Variants in CFAP221 observed in about 807,000 individuals in gnomAD.
The protein encoded by CFAP221 is cilia and flagella associated protein 221, also known as cilia- and flagella-associated protein 221.
Under a neutral mutation model 113.1 loss-of-function variants are expected in CFAP221, and 97 were observed. The observed-to-expected ratio is 0.86, with a 90% confidence interval of 0.73 to 1.02. The LOEUF (loss-of-function observed/expected upper bound fraction) is 1.02. Ranked by LOEUF, CFAP221 falls within the 50% of genes least tolerant of loss-of-function variation. The pLI is 0.00. For missense variants in CFAP221, 1,025 were observed against 1,013.4 expected (o/e 1.01, Z -0.16); for synonymous variants, 331 against 354.4 (o/e 0.93, Z 0.74).
intron 6 of CFAP221, among the ~76,000 whole-genome samples, chr2:119,564,100 A>C (rs894853842): frequency 6.6e-6 from 1 of 152,230 alleles, no homozygotes; most frequent in Admixed American, 6.5e-5. Flanking sequence ...AGCACTGAGC[A>C]GGGGACTGTA....
At chr2:119,625,722 G>A (rs1307747955) in intron 15 of CFAP221, 34 bp downstream of exon 15, 7 of 1,527,844 alleles carry the variant, frequency 4.6e-6, no homozygotes, top group Non-Finnish European at 6.3e-6. Context: ...GAGATGCCGA[G>A]ACTGATCATG....
chr2:119,610,334 C>T (rs981535406), intron 12 of CFAP221, among the ~76,000 whole-genome samples: 1 of 152,042 alleles, frequency 6.6e-6, no homozygotes, highest in Non-Finnish European at 1.5e-5. Flanking sequence ...GACCCAGTGG[C>T]ACGGAACTCC....
chr2:119,550,277 G>GT, intron 3 of CFAP221, among the ~76,000 whole-genome samples: 1 of 152,278 alleles, frequency 6.6e-6, no homozygotes, highest in South Asian at 2.1e-4. Context: ...ACGTTCGATT[G>GT]TTTAGAGTGA....
intron 7 of CFAP221, among the ~76,000 whole-genome samples, chr2:119,591,883 A>G (rs1014726434): frequency 6.6e-6 from 1 of 152,184 alleles, no homozygotes; most frequent in Non-Finnish European, 1.5e-5. Context: ...GTGCCAGAAA[A>G]CAGGCAACAG....
intron 15 of CFAP221, 190 bp downstream of exon 15, chr2:119,625,878 C>T: frequency 1.7e-6 from 1 of 576,774 alleles, no homozygotes; most frequent in Non-Finnish European, 3.1e-6. Flanking sequence ...CTAGGTTAGT[C>T]ATCATTTATA....
At chr2:119,546,308 A>G (rs1680047612) in intron 2 of CFAP221, 38 bp downstream of exon 2, 4 of 1,525,214 alleles carry the variant, frequency 2.6e-6, no homozygotes, top group South Asian at 1.2e-5. Context: ...TACAGCTCAC[A>G]TCTTCCCAGG....
intron 14 of CFAP221, among the ~76,000 whole-genome samples, chr2:119,617,636 T>G (rs569350618): frequency 6.5e-4 from 99 of 152,254 alleles, no homozygotes; most frequent in African/African-American, 1.9e-3. Context: ...GCCAGCCAAT[T>G]CTTTGCCTAA....
At chr2:119,605,627 C>T (rs1181352773) in intron 11 of CFAP221, among the ~76,000 whole-genome samples, 1 of 152,184 alleles carries the variant, frequency 6.6e-6, no homozygotes, top group Non-Finnish European at 1.5e-5. Flanking sequence ...CACCAGGAGC[C>T]CCTGTGCCTT....
chr2:119,557,264 G>T (rs1680874321), intron 3 of CFAP221: 1 of 152,232 alleles, frequency 6.6e-6, no homozygotes, highest in African/African-American at 2.4e-5. Flanking sequence ...GCTACAGGTG[G>T]TCGGCTGCAG....
rs1684355279 is a variant in CFAP221 at position 119,601,358 on chromosome 2, T to C, written c.772T>C (p.Tyr258His). Reference sequence around the variant, plus strand: ...CGAATGTGTCTTCACCGGAACATGCTATCCCAACATGGCCTTACCGTATGG... The same window carrying C: ...CGAATGTGTCTTCACCGGAACATGCCATCCCAACATGGCCTTACCGTATGG... ...PYECVFTGTC[Y>H]PNMALPLEEF... The change falls in exon 8 of 24, where the codon TAT becomes CAT. Residue 258 changes from tyrosine (Y) to histidine (H), a missense_variant. Physicochemically the swap from Tyr to His is moderately conservative, Grantham distance 83 (BLOSUM62 2). Coordinates refer to ENST00000413369, the MANE Select transcript of CFAP221 (RefSeq NM_001271049.2). 2 of 1,531,840 alleles carry C rather than the reference T, an allele frequency of 1.3e-6. No individual in the cohort carries two copies. Among genetic ancestry groups the C allele is most frequent in the East Asian group, 4.9e-5 (2 of 40,838 alleles). 94.9% of individuals were successfully genotyped at this position (1,531,840 alleles called of 1,614,324 possible).
intron 19 of CFAP221, among the ~76,000 whole-genome samples, chr2:119,633,543 GAATA>G (rs539771276): frequency 5.9e-5 from 9 of 151,434 alleles, no homozygotes; most frequent in Non-Finnish European, 1.0e-4. Context: ...GTGACCTACA[GAATA>G]AATAAATATA....
At chr2:119,576,160 A>G (rs1168257873) in intron 6 of CFAP221, among the ~76,000 whole-genome samples, 1 of 152,200 alleles carries the variant, frequency 6.6e-6, no homozygotes, top group Non-Finnish European at 1.5e-5. Flanking sequence ...ACCTTAAACT[A>G]AAGTTTTATT....
chr2:119,551,071 C>T (rs971445511), intron 3 of CFAP221, among the ~76,000 whole-genome samples: 1 of 152,234 alleles, frequency 6.6e-6, no homozygotes, highest in Non-Finnish European at 1.5e-5. Flanking sequence ...CAAGTCATAG[C>T]ATGTAGCAGT....
chr2:119,602,089 G>A (rs533163826), intron 8 of CFAP221, among the ~76,000 whole-genome samples: 16 of 152,102 alleles, frequency 1.1e-4, no homozygotes, highest in South Asian at 2.1e-4. Flanking sequence ...TTATATAAAC[G>A]TTAAAAGTTG....
At chr2:119,601,414 C>T in intron 8 of CFAP221, 37 bp downstream of exon 8, 1 of 1,455,376 alleles carries the variant, frequency 6.9e-7, no homozygotes. Context: ...TTATTTTTAA[C>T]CCTTTTTTGA....
At chr2:119,545,955 G>A (rs1381647145) in intron 1 of CFAP221, 130 bp from the exon 2 acceptor site, 19 of 618,606 alleles carry the variant, frequency 3.1e-5, no homozygotes, top group African/African-American at 1.3e-4. Context: ...GGAGTGGCCC[G>A]CAGAGAGGAG....
chr2:119,638,300 C>T lies in CFAP221; in HGVS notation c.2016C>T (p.Thr672=), dbSNP rs754474469. 3.1e-6 allele frequency: 5 copies of T among 1,613,986 alleles called. No homozygotes were observed. The African/African-American group carries it at 6.7e-5, about 22-fold the overall frequency. Residue 672 remains threonine, a synonymous_variant, in exon 20 of 24, where the codon ACC becomes ACT. Coordinates refer to ENST00000413369, the MANE Select transcript of CFAP221 (RefSeq NM_001271049.2). ...PGLFAVMHPL[T]YAETLIDYHL... ...TATTTGCTGTAATGCATCCTCTGAC[C>T]TATGCAGAAACGTTGATAGATTACC...
intron 22 of CFAP221, among the ~76,000 whole-genome samples, chr2:119,649,413 A>C (rs1433733358): frequency 6.6e-6 from 1 of 152,232 alleles, no homozygotes; most frequent in African/African-American, 2.4e-5. Flanking sequence ...TTGTAAGTCA[A>C]GGAGCGTCCA....
At chr2:119,627,871 C>T in intron 16 of CFAP221, 85 bp downstream of exon 16, 2 of 1,533,242 alleles carry the variant, frequency 1.3e-6, no homozygotes, top group East Asian at 4.5e-5. Context: ...ACCTCAGTCT[C>T]AGTCCCTTCA....
Sources: allele counts gnomAD v4.1 joint callset (sites outside exome capture counted in the v4.1 genomes callset), GRCh38; gene constraint gnomAD v4.1.1; transcripts MANE v1.5; gene names NCBI Gene and HGNC (gene_info 2026-07-23, HGNC 2026-07-21).